BMP2: variants seen among roughly 807,000 people sequenced by gnomAD.
BMP2 encodes the protein bone morphogenetic protein 2A.
A neutral mutation model predicts 28.8 loss-of-function variants in BMP2; 2 were observed. That is an observed-to-expected ratio of 0.07 (90% confidence interval 0.03 to 0.22). The LOEUF is 0.22. Ranked by LOEUF, BMP2 falls within the 10% of genes least tolerant of loss-of-function variation. BMP2 has a pLI of 1.00. For missense variants in BMP2, 437 were observed against 517.7 expected (o/e 0.84, Z 1.51); for synonymous variants, 218 against 204.3 (o/e 1.07, Z -0.57).
Position 6,780,032 on chromosome 20 carries a change from T to TTTTATC in BMP2, c.*947_*948insTCTTTA, listed in dbSNP as rs1443562310. 5.9e-5 allele frequency: 9 copies of TTTTATC among 152,726 alleles called. No individual in the cohort carries two copies. The highest frequency in any genetic ancestry group is 2.2e-4 in the African/African-American group (9 of 41,542). The allele number at this position is 152,726 out of a possible 1,614,324, so 9.5% of individuals were successfully genotyped here. On this transcript the variant is annotated 3_prime_UTR_variant, in exon 3 of 3. Coordinates refer to ENST00000378827, the MANE Select transcript of BMP2 (RefSeq NM_001200.4). The stretch of plus-strand genomic sequence containing the variant: ...ATCAAGGGTTGGAAATTTATTTGTG[T>TTTTATC]TTTACCTTTACCTCATCTGAGAGCT...
Position 6,778,644 on chromosome 20 carries a change from C to A in BMP2, c.746C>A (p.Ser249Tyr). The A allele has an allele frequency of 6.2e-7, 1 of 1,614,076 alleles. No individual in the cohort carries two copies. Among genetic ancestry groups the A allele is most frequent in the South Asian group, 1.1e-5 (1 of 91,076 alleles). ...VSKRHVRISR[S>Y]LHQDEHSWSQ... ...AAGAGACATGTTAGGATAAGCAGGT[C>A]TTTGCACCAAGATGAACACAGCTGG... Residue 249 changes from serine (S) to tyrosine (Y), a missense_variant, in exon 3 of 3, where the codon TCT (serine) becomes TAT (tyrosine). Ser to Tyr is a moderately radical substitution (Grantham distance 144). Around this residue, in one of 2 missense-constraint regions of BMP2, gnomAD observed 363 missense variants for 392.8 expected, o/e 0.92. Transcript: ENST00000378827. This position sits in a 1 kb window ranked among gnomAD's most constrained non-coding sequence, Gnocchi z 5.0.
Position 6,770,297 on chromosome 20 carries a change from G to A in BMP2, c.171G>A (p.Leu57=). The A allele has an allele frequency of 1.2e-6, 2 of 1,613,380 alleles. No homozygotes were observed. The highest frequency in any genetic ancestry group is 1.1e-5 in the South Asian group (1 of 91,052). The change falls in exon 2 of 3, where the codon CTG becomes CTA. Residue 57 remains leucine, a synonymous_variant. Transcript: ENST00000378827. ...DEVLSEFELR[L]LSMFGLKQRP... ...TCCTGAGCGAGTTCGAGTTGCGGCT[G>A]CTCAGCATGTTCGGCCTGAAACAGA...
At chr20:6,773,230 T>C (rs1351119119) in intron 2 of BMP2, among the ~76,000 whole-genome samples, 2 of 152,200 alleles carry the variant, frequency 1.3e-5, no homozygotes, top group African/African-American at 4.8e-5. Context: ...ATAGAAAAGT[T>C]CAAGAAATAA....
chr20:6,769,260 T>A, intron 1 of BMP2, among the ~76,000 whole-genome samples: 1 of 152,198 alleles, frequency 6.6e-6, no homozygotes, highest in East Asian at 1.9e-4. Flanking sequence ...CGCTCTGCCA[T>A]GGTGATCTCC....
In BMP2 at chr20:6,767,730, C is replaced by T. The variant is rs1237860315; in HGVS notation, c.-1153C>T. 1 of 169,270 alleles carries T rather than the reference C, an allele frequency of 5.9e-6. No individual in the cohort carries two copies. The highest frequency in any genetic ancestry group is 1.6e-4 in the East Asian group (1 of 6,098). 10.5% of individuals were successfully genotyped at this position (169,270 alleles called of 1,614,324 possible). A position where few individuals can be genotyped will look rare whatever the true frequency, so the allele number is the denominator to read the frequency against. On this transcript the variant is annotated 5_prime_UTR_variant, in exon 1 of 3. Coordinates refer to ENST00000378827, the MANE Select transcript of BMP2 (RefSeq NM_001200.4). ...CCGCCGGAGTCCTCGCCCCGCCGCGCTGCGCCCGGCTCGCGCTGCGCTAGT... is the reference window on the plus strand; with the variant it reads ...CCGCCGGAGTCCTCGCCCCGCCGCGTTGCGCCCGGCTCGCGCTGCGCTAGT...
In BMP2 at chr20:6,778,618, C is replaced by G; in HGVS notation, c.720C>G (p.Ser240=). Residue 240 remains serine (S), a synonymous_variant, in exon 3 of 3, where the codon TCC becomes TCG. Transcript: ENST00000378827. This position sits in a 1 kb window ranked among gnomAD's most constrained non-coding sequence, Gnocchi z 5.0. ...ACTTGGAGGAGAAACAAGGTGTCTC[C>G]AAGAGACATGTTAGGATAAGCAGGT... ...VAHLEEKQGV[S]KRHVRISRSL... 6.2e-7 allele frequency: 1 copy of G among 1,613,952 alleles called. No individual in the cohort carries two copies. Among genetic ancestry groups the G allele is most frequent in the Non-Finnish European group, 8.5e-7 (1 of 1,179,948 alleles).
intron 1 of BMP2, 44 bp from the exon 2 acceptor site, chr20:6,770,076 A>C: frequency 6.7e-7 from 1 of 1,486,076 alleles, no homozygotes; most frequent in Non-Finnish European, 9.0e-7. Flanking sequence ...AGGGGGGAGG[A>C]CTGGGCGGGG....
chr20:6,770,681 C>A (rs1158362147), intron 2 of BMP2, among the ~76,000 whole-genome samples: 2 of 152,326 alleles, frequency 1.3e-5, no homozygotes, highest in South Asian at 4.1e-4. Context: ...TAACTCCGCA[C>A]CCTCTTCCTG....
At position 6,768,340 on chromosome 20, in the gene BMP2, C is replaced by A. The variant is rs1986300803; in HGVS notation, c.-543C>A. Reference sequence around the variant, plus strand: ...CCGTGCCCTTCCCTGGACCCGGCGTCGCCCAGGATGGCTGCCCCGAGCCAT... The same window carrying A: ...CCGTGCCCTTCCCTGGACCCGGCGTAGCCCAGGATGGCTGCCCCGAGCCAT... On this transcript the variant is annotated 5_prime_UTR_variant, in exon 1 of 3. Coordinates refer to ENST00000378827, the MANE Select transcript of BMP2 (RefSeq NM_001200.4). 2.5e-6 allele frequency: 1 copy of A among 397,604 alleles called. No individual in the cohort carries two copies. The highest frequency in any genetic ancestry group is 1.3e-4 in the South Asian group (1 of 7,746). 24.6% of individuals were successfully genotyped at this position (397,604 alleles called of 1,614,324 possible). A position where few individuals can be genotyped will look rare whatever the true frequency, so the allele number is the denominator to read the frequency against.
At chr20:6,775,580 T>G (rs1171295083) in intron 2 of BMP2, among the ~76,000 whole-genome samples, 1 of 152,220 alleles carries the variant, frequency 6.6e-6, no homozygotes, top group Admixed American at 6.5e-5. Flanking sequence ...GCTGCCTACT[T>G]CCACTGAGAC....
At chr20:6,769,338 A>G (rs1363215591) in intron 1 of BMP2, among the ~76,000 whole-genome samples, 1 of 151,790 alleles carries the variant, frequency 6.6e-6, no homozygotes, top group Admixed American at 6.6e-5. Context: ...GGAAAGTACT[A>G]GGAGTTTGGG....
At chr20:6,771,603 T>C (rs972752816) in intron 2 of BMP2, among the ~76,000 whole-genome samples, 1 of 152,160 alleles carries the variant, frequency 6.6e-6, no homozygotes, top group African/African-American at 2.4e-5. Context: ...TCTCCCAGTG[T>C]GAAGGGTGAC....
chr20:6,776,433 A>C (rs1388569680), intron 2 of BMP2, among the ~76,000 whole-genome samples: 1 of 152,164 alleles, frequency 6.6e-6, no homozygotes, highest in African/African-American at 2.4e-5. Flanking sequence ...CTTTGCCACC[A>C]CTAATGGTTC....
chr20:6,770,202 C>T lies in BMP2; in HGVS notation c.76C>T (p.Pro26Ser). 7 of 1,590,224 alleles carry T rather than the reference C, an allele frequency of 4.4e-6. No individual in the cohort carries two copies. The highest frequency in any genetic ancestry group is 6.0e-6 in the Non-Finnish European group (7 of 1,169,356). The change falls in exon 2 of 3, where the codon CCG (proline) becomes TCG (serine). Residue 26 changes from proline (P) to serine (S), a missense_variant. By Grantham distance (74) the Pro-to-Ser change is moderately conservative (BLOSUM62 -1). Coordinates refer to ENST00000378827, the MANE Select transcript of BMP2 (RefSeq NM_001200.4). ...CCTGGGCGGCGCGGCTGGCCTCGTTCCGGAGCTGGGCCGCAGGAAGTTCGC... is the reference window on the plus strand; with the variant it reads ...CCTGGGCGGCGCGGCTGGCCTCGTTTCGGAGCTGGGCCGCAGGAAGTTCGC... ...VLLGGAAGLVPELGRRKFAAA... is the reference protein window; with the variant it reads ...VLLGGAAGLVSELGRRKFAAA...
At chr20:6,769,998 TGC>T in intron 1 of BMP2, 120 bp from the exon 2 acceptor site, 1 of 1,020,346 alleles carries the variant, frequency 9.8e-7, no homozygotes, top group South Asian at 1.6e-5. Flanking sequence ...CTCGTGAGTG[TGC>T]CAAGCCAGGA....
At chr20:6,771,540 T>A (rs1483505282) in intron 2 of BMP2, among the ~76,000 whole-genome samples, 2 of 152,158 alleles carry the variant, frequency 1.3e-5, no homozygotes, top group African/African-American at 4.8e-5. Flanking sequence ...AAATTTCAAG[T>A]GGGAAATTTA....
intron 2 of BMP2, among the ~76,000 whole-genome samples, chr20:6,773,816 T>C (rs1986447087): frequency 6.6e-6 from 1 of 152,232 alleles, no homozygotes; most frequent in Non-Finnish European, 1.5e-5. Flanking sequence ...CATTTTGTGT[T>C]AGGGCAGTGA....
rs1986592953 is a variant in BMP2 at position 6,780,023 on chromosome 20, T to G, written c.*934T>G. The G allele has an allele frequency of 6.7e-6, 1 of 149,524 alleles. No individual in the cohort carries two copies. Among genetic ancestry groups the G allele is most frequent in the Non-Finnish European group, 1.5e-5 (1 of 66,196 alleles). The allele number at this position is 149,524 out of a possible 1,614,324, so 9.3% of individuals were successfully genotyped here. ...GTGGCCCTCATCAAGGGTTGGAAAT[T>G]TATTTGTGTTTTACCTTTACCTCAT... On this transcript the variant is annotated 3_prime_UTR_variant, in exon 3 of 3. Coordinates refer to ENST00000378827, the MANE Select transcript of BMP2 (RefSeq NM_001200.4).
intron 2 of BMP2, among the ~76,000 whole-genome samples, chr20:6,772,720 A>T (rs1172656954): frequency 6.6e-6 from 1 of 152,218 alleles, no homozygotes; most frequent in Non-Finnish European, 1.5e-5. Context: ...ACTCGACGAG[A>T]TATCATGATA....
Sources: gnomAD v4.1 joint callset for allele counts (sites outside exome capture counted in the v4.1 genomes callset) on GRCh38, gnomAD v4.1.1 for gene constraint, gnomAD v4.1.1 regional missense constraint, Gnocchi (gnomAD v3.1) non-coding constraint, MANE v1.5 for transcripts, NCBI Gene and HGNC (gene_info 2026-07-23, HGNC 2026-07-21) for gene names.